SPOCK1: variants seen among roughly 807,000 people sequenced by gnomAD.
The protein encoded by SPOCK1 is SPARC (osteonectin), cwcv and kazal like domains proteoglycan 1.
Under a neutral mutation model 55.3 loss-of-function variants are expected in SPOCK1, and 23 were observed. The observed-to-expected ratio is 0.42, with a 90% confidence interval of 0.30 to 0.59. The LOEUF (loss-of-function observed/expected upper bound fraction) is 0.59, where lower values mean the gene tolerates loss of function less well. Ranked by LOEUF, SPOCK1 falls within the 20% of genes least tolerant of loss-of-function variation. The probability of loss-of-function intolerance (pLI) is 0.22; values close to 1 mark genes in which losing one functional copy is unlikely to be tolerated. For missense variants in SPOCK1, 499 were observed against 552.5 expected, an observed-to-expected ratio of 0.90 and a Z score of 0.97; for synonymous variants, 226 against 221.0, an observed-to-expected ratio of 1.02 and a Z score of -0.20.
chr5:137,424,009 T>C (rs1328922965), intron 2 of SPOCK1, among the ~76,000 whole-genome samples: 1 of 151,904 alleles, frequency 6.6e-6, no homozygotes, highest in Non-Finnish European at 1.5e-5. Context: ...TCCATACAGA[T>C]ACCTGGTTGT....
intron 2 of SPOCK1, among the ~76,000 whole-genome samples, chr5:137,400,640 T>C (rs1751953566): frequency 6.6e-6 from 1 of 152,212 alleles, no homozygotes; most frequent in Admixed American, 6.5e-5. Context: ...CAGGGTTTTA[T>C]GGAGTACTGT....
intron 2 of SPOCK1, among the ~76,000 whole-genome samples, chr5:137,442,905 C>T (rs552312692): frequency 3.3e-4 from 50 of 152,320 alleles, no homozygotes; most frequent in African/African-American, 1.1e-3. Flanking sequence ...TGTCATGTGA[C>T]CTGCTCAGTG....
intron 2 of SPOCK1, among the ~76,000 whole-genome samples, chr5:137,271,031 A>ATTAATTAT (rs71583276): frequency 7.5e-4 from 114 of 151,322 alleles, no homozygotes; most frequent in African/African-American, 2.5e-3. Flanking sequence ...TAATTAATTA[A>ATTAATTAT]TTTTTAAAAA....
At chr5:137,328,629 GGTAA>G (rs1362340818) in intron 2 of SPOCK1, among the ~76,000 whole-genome samples, 1 of 152,132 alleles carries the variant, frequency 6.6e-6, no homozygotes, top group African/African-American at 2.4e-5. Context: ...AAGGCACAAT[GGTAA>G]GTGTTTTATA....
chr5:137,346,459 G>C (rs995666358), intron 2 of SPOCK1, among the ~76,000 whole-genome samples: 2 of 152,216 alleles, frequency 1.3e-5, no homozygotes, highest in African/African-American at 4.8e-5. Flanking sequence ...CAGGAAGTCA[G>C]AACAGGGAGG....
chr5:137,285,881 T>A (rs750452157), intron 2 of SPOCK1, among the ~76,000 whole-genome samples: 1 of 151,770 alleles, frequency 6.6e-6, no homozygotes, highest in Non-Finnish European at 1.5e-5. Context: ...GCACAATTGT[T>A]TTTTTTTTCT....
intron 3 of SPOCK1, among the ~76,000 whole-genome samples, chr5:137,189,034 G>A (rs1755126515): frequency 6.6e-6 from 1 of 152,248 alleles, no homozygotes; most frequent in Admixed American, 6.5e-5. Context: ...TTTGAAGGCT[G>A]AGAAAGATGA....
At chr5:137,264,819 T>C (rs1281152571) in intron 3 of SPOCK1, among the ~76,000 whole-genome samples, 1 of 152,164 alleles carries the variant, frequency 6.6e-6, no homozygotes, top group Admixed American at 6.5e-5. Flanking sequence ...CACAATGTAA[T>C]TGATGACATC....
intron 2 of SPOCK1, among the ~76,000 whole-genome samples, chr5:137,367,356 G>A (rs10039208): frequency 0.036 from 5,409 of 152,288 alleles, 183 homozygotes; most frequent in African/African-American, 0.095. Flanking sequence ...AAGAAGCAGC[G>A]CTGTTGAGCA....
chr5:137,059,905 C>T (rs1392872944), intron 6 of SPOCK1, among the ~76,000 whole-genome samples: 1 of 152,186 alleles, frequency 6.6e-6, no homozygotes, highest in African/African-American at 2.4e-5. Context: ...GAAATAGCAT[C>T]TCACATGATT....
Position 137,053,151 on chromosome 5 carries a change from T to C in SPOCK1, c.589+14564A>G, listed in dbSNP as rs1159614095. Among the ~76,000 whole-genome samples the C allele has an allele frequency of 2.6e-5, 4 of 152,112 alleles. No individual in the cohort carries two copies. The East Asian group carries it at 7.7e-4, about 29-fold the overall frequency. On this transcript the variant is annotated intron_variant, in intron 6 of 10. Coordinates refer to ENST00000394945, the MANE Select transcript of SPOCK1 (RefSeq NM_004598.4). ...TTAGCTAATTCTAGGAACTACATGC[T>C]CCTGAGACAAGAAGCATGACCTCTG...
intron 3 of SPOCK1, among the ~76,000 whole-genome samples, chr5:137,144,750 C>T (rs543744721): frequency 6.6e-6 from 1 of 152,002 alleles, no homozygotes; most frequent in South Asian, 2.1e-4. Context: ...GATAAGAGAT[C>T]CGAATAATAA....
intron 2 of SPOCK1, among the ~76,000 whole-genome samples, chr5:137,369,076 G>A (rs1208259094): frequency 1.3e-5 from 2 of 152,214 alleles, no homozygotes; most frequent in African/African-American, 4.8e-5. Context: ...TACCATGGTG[G>A]TGTCAGTTGA....
chr5:137,037,922 G>C (rs1336205970), intron 6 of SPOCK1, among the ~76,000 whole-genome samples: 1 of 152,188 alleles, frequency 6.6e-6, no homozygotes, highest in Non-Finnish European at 1.5e-5. Flanking sequence ...ATGGGAGTTG[G>C]TGGCAGAGGC....
chr5:137,184,782 C>G (rs1755034907), intron 3 of SPOCK1, among the ~76,000 whole-genome samples: 1 of 152,040 alleles, frequency 6.6e-6, no homozygotes, highest in African/African-American at 2.4e-5. Flanking sequence ...CCCTCCTGTT[C>G]CCCACCCTCA....
intron 6 of SPOCK1, among the ~76,000 whole-genome samples, chr5:137,064,819 G>T (rs1362229202): frequency 6.6e-6 from 1 of 152,102 alleles, no homozygotes; most frequent in South Asian, 2.1e-4. Context: ...ATTTTGTCCA[G>T]GTAAAGCATT....
chr5:137,475,328 T>C (rs1248514455), intron 2 of SPOCK1, among the ~76,000 whole-genome samples: 6 of 152,162 alleles, frequency 3.9e-5, no homozygotes, highest in Admixed American at 3.3e-4. Context: ...TCTTCTCTTT[T>C]CTAGACCAAA....
At chr5:137,302,992 G>A (rs1024284066) in intron 2 of SPOCK1, among the ~76,000 whole-genome samples, 4 of 152,158 alleles carry the variant, frequency 2.6e-5, no homozygotes, top group African/African-American at 9.7e-5. Context: ...TCTGAGGAAG[G>A]TAATATCATT....
intron 4 of SPOCK1, among the ~76,000 whole-genome samples, chr5:137,124,371 C>T (rs1753741651): frequency 1.3e-5 from 2 of 152,260 alleles, no homozygotes; most frequent in African/African-American, 4.8e-5. Context: ...CTGCCTGCTG[C>T]CTCCCCAGGC....
Sources: allele counts gnomAD v4.1 joint callset (sites outside exome capture counted in the v4.1 genomes callset), GRCh38; gene constraint gnomAD v4.1.1; transcripts MANE v1.5; gene names NCBI Gene and HGNC (gene_info 2026-07-23, HGNC 2026-07-21).